PLXDC2: variants seen among roughly 807,000 people sequenced by gnomAD.
PLXDC2 encodes the protein plexin domain containing 2, also known as plexin domain-containing protein 2.
A neutral mutation model predicts 68.9 loss-of-function variants in PLXDC2; 40 were observed. The ratio of observed to expected loss-of-function variants is 0.58; its 90% CI spans 0.45 to 0.76. The LOEUF (loss-of-function observed/expected upper bound fraction) is 0.76, where lower values mean the gene tolerates loss of function less well. Among genes scored for constraint, PLXDC2 ranks in the 30% least tolerant of loss-of-function variants. The pLI is 0.00. For synonymous variants in PLXDC2, 243 were observed against 234.2 expected (o/e 1.04, Z -0.34); for missense variants, 644 against 661.9 (o/e 0.97, Z 0.30).
At chr10:20,085,171 A>AG (rs1217281038) in intron 4 of PLXDC2, among the ~76,000 whole-genome samples, 1 of 148,170 alleles carries the variant, frequency 6.7e-6, no homozygotes, top group Admixed American at 6.8e-5. Context: ...TGTGCTTAAA[A>AG]AAAGGTGGGG....
At position 19,837,290 on chromosome 10, in the gene PLXDC2, T is replaced by C. The variant is rs570969037; in HGVS notation, c.112+20099T>C. Among the ~76,000 whole-genome samples, 5 of 152,188 alleles carry C rather than the reference T, an allele frequency of 3.3e-5. No individual in the cohort carries two copies. The South Asian group carries it at 1.0e-3, about 31-fold the overall frequency. On this transcript the variant is annotated intron_variant, in intron 1 of 13. Coordinates refer to ENST00000377252, the MANE Select transcript of PLXDC2 (RefSeq NM_032812.9). ...AAACAAGAACAAAAGTTAAAACACA[T>C]AAGCCCTTCTTATCAGTAGGTTATC...
At chr10:20,107,088 C>T (rs947904655) in intron 4 of PLXDC2, among the ~76,000 whole-genome samples, 11 of 147,644 alleles carry the variant, frequency 7.5e-5, no homozygotes, top group Non-Finnish European at 1.5e-5. Context: ...TATATATATA[C>T]ACTATATATA....
chr10:19,849,187 A>G (rs1236537993), intron 1 of PLXDC2, among the ~76,000 whole-genome samples: 1 of 152,214 alleles, frequency 6.6e-6, no homozygotes, highest in African/African-American at 2.4e-5. Flanking sequence ...TTTATTGTAG[A>G]TAATGGAAAT....
At chr10:20,061,186 A>C (rs927808120) in intron 3 of PLXDC2, among the ~76,000 whole-genome samples, 3 of 152,194 alleles carry the variant, frequency 2.0e-5, no homozygotes, top group Non-Finnish European at 4.4e-5. Flanking sequence ...CAATTTTGCT[A>C]ATTGTCAGCA....
At chr10:20,208,427 T>C (rs931723274) in intron 9 of PLXDC2, among the ~76,000 whole-genome samples, 5 of 145,352 alleles carry the variant, frequency 3.4e-5, no homozygotes, top group African/African-American at 1.3e-4. Flanking sequence ...AAACTGCCCC[T>C]ATGATTAGAT....
chr10:19,892,743 G>A (rs568142938), intron 1 of PLXDC2, among the ~76,000 whole-genome samples: 1 of 152,240 alleles, frequency 6.6e-6, no homozygotes, highest in African/African-American at 2.4e-5. Flanking sequence ...TCCCGTATTT[G>A]ATGGTCACTT....
In PLXDC2 at chr10:20,284,330, T is replaced by TATATATATATATATATATATACACACAC. The variant is rs1484131963; in HGVS notation, c.*4512_*4513insTATATATATATATATATATACACACACA. 4 of 126,334 alleles carry TATATATATATATATATATATACACACAC rather than the reference T, an allele frequency of 3.2e-5. No individual in the cohort carries two copies. The highest frequency in any genetic ancestry group is 8.7e-5 in the African/African-American group (3 of 34,312). The allele number at this position is 126,334 out of a possible 1,614,324, so 7.8% of individuals were successfully genotyped here. A position where few individuals can be genotyped will look rare whatever the true frequency, so the allele number is the denominator to read the frequency against. The stretch of plus-strand genomic sequence containing the variant: ...AAATATACATATATATATATATATA[T>TATATATATATATATATATATACACACAC]ACACACACACACACACACACACAAA... On this transcript the variant is annotated 3_prime_UTR_variant, in exon 14 of 14. Transcript: ENST00000377252.
intron 2 of PLXDC2, among the ~76,000 whole-genome samples, chr10:20,039,594 G>C (rs561251949): frequency 3.3e-5 from 5 of 152,042 alleles, no homozygotes; most frequent in Non-Finnish European, 5.9e-5. Context: ...ACTATTTACT[G>C]TGTATAGCAT....
intron 13 of PLXDC2, among the ~76,000 whole-genome samples, chr10:20,267,964 T>C (rs1301300435): frequency 6.6e-6 from 1 of 152,038 alleles, no homozygotes; most frequent in Admixed American, 6.6e-5. Context: ...CAGTCCACTC[T>C]CAGGAAAGCT....
chr10:20,238,730 C>CAT (rs1171029751), intron 12 of PLXDC2, among the ~76,000 whole-genome samples: 4 of 123,486 alleles, frequency 3.2e-5, no homozygotes, highest in South Asian at 2.4e-4. Context: ...CATATACATA[C>CAT]ATATATATAT....
rs377432766 is a variant in PLXDC2 at position 20,282,855 on chromosome 10, A to G, written c.*3036A>G. On this transcript the variant is annotated 3_prime_UTR_variant, in exon 14 of 14. Coordinates refer to ENST00000377252, the MANE Select transcript of PLXDC2 (RefSeq NM_032812.9). ...ATTACTATTTTAGTTTGAGGTATCA[A>G]GGGCATTTGCCAATCTCTTATATGT... The G allele has an allele frequency of 1.3e-5, 2 of 152,228 alleles. No homozygotes were observed. Among genetic ancestry groups the G allele is most frequent in the East Asian group, 1.9e-4 (1 of 5,202 alleles). 9.4% of individuals were successfully genotyped at this position (152,228 alleles called of 1,614,324 possible).
At chr10:19,926,127 T>A (rs1168072648) in intron 1 of PLXDC2, among the ~76,000 whole-genome samples, 1 of 152,226 alleles carries the variant, frequency 6.6e-6, no homozygotes, top group Non-Finnish European at 1.5e-5. Flanking sequence ...TTCTACCTGG[T>A]CTGGTTTAAC....
chr10:20,163,635 TG>T (rs1216122767), intron 6 of PLXDC2, among the ~76,000 whole-genome samples: 1 of 152,162 alleles, frequency 6.6e-6, no homozygotes, highest in African/African-American at 2.4e-5. Context: ...TTATTGAAGA[TG>T]GTTTCATTCC....
chr10:20,259,461 G>T (rs900752473), intron 13 of PLXDC2, among the ~76,000 whole-genome samples: 2 of 151,932 alleles, frequency 1.3e-5, no homozygotes, highest in Admixed American at 1.3e-4. Flanking sequence ...AGAACCATTA[G>T]GCATCAGATT....
Position 20,082,064 on chromosome 10 carries a change from C to CAAAAAAAAAAAAAAAAAAAAAAAA in PLXDC2, c.541+13837_541+13838insAAAAAAAAAAAAAAAAAAAAAAAA, listed in dbSNP as rs1252447303. ...CCATCTGAAAAAAAAAAAAAAAAAT[C>CAAAAAAAAAAAAAAAAAAAAAAAA]AAAAAAAAAAAACAGGAGAAGTCTG... On this transcript the variant is annotated intron_variant, in intron 4 of 13. Transcript: ENST00000377252. 4.3e-5 allele frequency among the ~76,000 whole-genome samples: 3 copies of CAAAAAAAAAAAAAAAAAAAAAAAA among 70,142 alleles called. 1 individual carries two copies. Among genetic ancestry groups the CAAAAAAAAAAAAAAAAAAAAAAAA allele is most frequent in the African/African-American group, 1.1e-4 (2 of 17,478 alleles). 46.0% of individuals were successfully genotyped at this position (70,142 alleles called of 152,430 possible).
chr10:20,083,680 C>T (rs563922699), intron 4 of PLXDC2, among the ~76,000 whole-genome samples: 96 of 152,202 alleles, frequency 6.3e-4, no homozygotes, highest in Non-Finnish European at 1.2e-3. Flanking sequence ...TTCTTCATAA[C>T]TATTTTATTT....
intron 1 of PLXDC2, among the ~76,000 whole-genome samples, chr10:19,899,297 A>T (rs1450812895): frequency 1.3e-5 from 2 of 152,158 alleles, no homozygotes; most frequent in Non-Finnish European, 2.9e-5. Flanking sequence ...TATGCTATTC[A>T]CTTAAGGAAT....
At chr10:19,872,679 G>A (rs144969777) in intron 1 of PLXDC2, among the ~76,000 whole-genome samples, 12 of 152,220 alleles carry the variant, frequency 7.9e-5, no homozygotes, top group African/African-American at 2.6e-4. Flanking sequence ...ACCGGGTGGG[G>A]CTCAGGGGAA....
chr10:20,282,502 A>G lies in PLXDC2; in HGVS notation c.*2683A>G, dbSNP rs2119402520. ...CTGGATAAATCAGATAAATGGTGCTACAGAGGAATTTAGTTATTTCAGCTT... is the reference window on the plus strand; with the variant it reads ...CTGGATAAATCAGATAAATGGTGCTGCAGAGGAATTTAGTTATTTCAGCTT... On this transcript the variant is annotated 3_prime_UTR_variant, in exon 14 of 14. Coordinates refer to ENST00000377252, the MANE Select transcript of PLXDC2 (RefSeq NM_032812.9). 1 of 152,346 alleles carries G rather than the reference A, an allele frequency of 6.6e-6. No individual in the cohort carries two copies. The highest frequency in any genetic ancestry group is 2.1e-4 in the South Asian group (1 of 4,834). The allele number at this position is 152,346 out of a possible 1,614,324, so 9.4% of individuals were successfully genotyped here. A position where few individuals can be genotyped will look rare whatever the true frequency, so the allele number is the denominator to read the frequency against.
Sources: allele counts gnomAD v4.1 joint callset (sites outside exome capture counted in the v4.1 genomes callset), GRCh38; gene constraint gnomAD v4.1.1; transcripts MANE v1.5; gene names NCBI Gene and HGNC (gene_info 2026-07-23, HGNC 2026-07-21).